The following VAV2 variants were observed in gnomAD, a reference collection of about 807,000 sequenced individuals.
VAV2 encodes the protein guanine nucleotide exchange factor VAV2.
In VAV2, 67 loss-of-function variants were observed where a neutral mutation model predicts 132.5. That is an observed-to-expected ratio of 0.51 (90% confidence interval 0.42 to 0.62). The LOEUF (loss-of-function observed/expected upper bound fraction) is 0.62. VAV2 is among the 20% of genes least tolerant of loss of function. The pLI, the probability that VAV2 is intolerant of heterozygous loss-of-function variation, is 0.00. For synonymous variants in VAV2, 492 were observed against 443.5 expected (o/e 1.11, Z -1.37); for missense variants, 938 against 1,153.6 (o/e 0.81, Z 2.71).
chr9:133,873,206 G>T (rs912211712), intron 2 of VAV2, among the ~76,000 whole-genome samples: 14 of 152,132 alleles, frequency 9.2e-5, no homozygotes, highest in South Asian at 4.2e-4. Flanking sequence ...GCATGTGAGG[G>T]AAGCTGCAAT....
At chr9:133,770,611 C>T in intron 26 of VAV2, 110 bp from the exon 27 acceptor site, 1 of 1,501,114 alleles carries the variant, frequency 6.7e-7, no homozygotes, top group Non-Finnish European at 9.0e-7. Flanking sequence ...AGACTAGCTT[C>T]CTGGACTCCT....
At chr9:133,847,634 C>T (rs953962186) in intron 3 of VAV2, among the ~76,000 whole-genome samples, 1 of 152,212 alleles carries the variant, frequency 6.6e-6, no homozygotes, top group Non-Finnish European at 1.5e-5. Context: ...GCAGACCCCA[C>T]TTGAGGACGT....
Position 133,769,845 on chromosome 9 carries a change from T to C in VAV2, c.2348-342A>G, listed in dbSNP as rs1029111419. On this transcript the variant is annotated intron_variant, in intron 27 of 29. Transcript: ENST00000371850. This position sits in a 1 kb window ranked among gnomAD's most constrained non-coding sequence, Gnocchi z 8.1. ...TCCAGCTCGGCCTGTGTGAGACCCATGGCCCTGCAGGACCCTGCAGGCTGG... is the reference window on the plus strand; with the variant it reads ...TCCAGCTCGGCCTGTGTGAGACCCACGGCCCTGCAGGACCCTGCAGGCTGG... Among the ~76,000 whole-genome samples, 21 of 152,174 alleles carry C rather than the reference T, an allele frequency of 1.4e-4. No homozygotes were observed. Among genetic ancestry groups the C allele is most frequent in the African/African-American group, 5.1e-4 (21 of 41,460 alleles).
At chr9:133,965,945 G>C (rs548204646) in intron 1 of VAV2, among the ~76,000 whole-genome samples, 4 of 152,020 alleles carry the variant, frequency 2.6e-5, no homozygotes, top group Non-Finnish European at 5.9e-5. Flanking sequence ...CACATACCTA[G>C]ACCAATGGAA....
In VAV2 at chr9:133,991,352, C is replaced by G. The variant is rs1039826492; in HGVS notation, c.204+723G>C. ...GGCATTTTCCTGCCTGGCCCTGCGG[C>G]CGCACGCGTGCCTCCGCCGCGACAA... On this transcript the variant is annotated intron_variant, in intron 1 of 29. Coordinates refer to ENST00000371850, the MANE Select transcript of VAV2 (RefSeq NM_001134398.2). This position sits in a 1 kb window ranked among gnomAD's most constrained non-coding sequence, Gnocchi z 4.8. Among the ~76,000 whole-genome samples, 4 of 152,236 alleles carry G rather than the reference C, an allele frequency of 2.6e-5. No individual in the cohort carries two copies. The highest frequency in any genetic ancestry group is 7.2e-5 in the African/African-American group (3 of 41,460).
intron 4 of VAV2, among the ~76,000 whole-genome samples, chr9:133,815,187 C>T (rs1288715208): frequency 6.6e-6 from 1 of 151,998 alleles, no homozygotes; most frequent in African/African-American, 2.4e-5. Context: ...CAGAGTCCCC[C>T]GCCCGCCTCC....
intron 2 of VAV2, among the ~76,000 whole-genome samples, chr9:133,864,158 C>T (rs910700184): frequency 6.6e-5 from 10 of 152,216 alleles, no homozygotes; most frequent in East Asian, 1.9e-4. Context: ...AGTTAACAAA[C>T]GAATGAAGAC....
At chr9:133,960,859 G>A (rs1311243037) in intron 1 of VAV2, among the ~76,000 whole-genome samples, 1 of 152,250 alleles carries the variant, frequency 6.6e-6, no homozygotes, top group Non-Finnish European at 1.5e-5. Flanking sequence ...ACACTGGCTG[G>A]TGCCAGGCTC....
intron 21 of VAV2, among the ~76,000 whole-genome samples, 186 bp from the exon 22 acceptor site, chr9:133,779,075 T>C (rs1833915035): frequency 6.6e-6 from 1 of 152,276 alleles, no homozygotes; most frequent in African/African-American, 2.4e-5. Flanking sequence ...ATCATAATTA[T>C]TTATGCAATA....
chr9:133,934,035 G>A (rs1459142910), intron 2 of VAV2, among the ~76,000 whole-genome samples: 3 of 151,352 alleles, frequency 2.0e-5, no homozygotes, highest in African/African-American at 4.9e-5. Context: ...TGGGTGGATG[G>A]GTAGATGGAT....
intron 1 of VAV2, among the ~76,000 whole-genome samples, chr9:133,968,549 G>T (rs1037226435): frequency 5.9e-5 from 9 of 152,092 alleles, no homozygotes; most frequent in African/African-American, 2.2e-4. Context: ...TGGTCCCCAG[G>T]GTCCCTACCC....
At chr9:133,845,105 C>A in intron 3 of VAV2, among the ~76,000 whole-genome samples, 1 of 152,246 alleles carries the variant, frequency 6.6e-6, no homozygotes, top group East Asian at 1.9e-4. Context: ...CCCCCGCTCT[C>A]GCGTCTGGCA....
intron 2 of VAV2, among the ~76,000 whole-genome samples, chr9:133,933,289 C>G (rs1840749538): frequency 6.6e-6 from 1 of 152,284 alleles, no homozygotes; most frequent in South Asian, 2.1e-4. Context: ...TGCTCAGCAG[C>G]TAATCTGAGG....
intron 1 of VAV2, among the ~76,000 whole-genome samples, chr9:133,940,087 C>T (rs2132138877): frequency 6.6e-6 from 1 of 152,332 alleles, no homozygotes; most frequent in East Asian, 1.9e-4. Flanking sequence ...GCTCTGGAAT[C>T]ACTCGGGCCC....
At position 133,857,452 on chromosome 9, in the gene VAV2, G is replaced by C. The variant is rs1248204618; in HGVS notation, c.380+3922C>G. ...ATCAGCTCATTATGCAAAGTGCAAG[G>C]GTTGTGAAAATGATTTTTTGAAGGA... On this transcript the variant is annotated intron_variant, in intron 3 of 29. Coordinates refer to ENST00000371850, the MANE Select transcript of VAV2 (RefSeq NM_001134398.2). The surrounding 1 kb of genome is among the most constrained non-coding windows in gnomAD (Gnocchi z 4.0). 2.6e-5 allele frequency among the ~76,000 whole-genome samples: 4 copies of C among 152,198 alleles called. No individual in the cohort carries two copies. The highest frequency in any genetic ancestry group is 9.7e-5 in the African/African-American group (4 of 41,446).
At chr9:133,767,635 G>T (rs557466923) in intron 29 of VAV2, among the ~76,000 whole-genome samples, 278 of 152,314 alleles carry the variant, frequency 1.8e-3, no homozygotes, top group African/African-American at 6.3e-3. Context: ...GGTAAAAAAT[G>T]GGTCAGACTT....
chr9:133,907,256 C>A (rs1839692195), intron 2 of VAV2, among the ~76,000 whole-genome samples: 2 of 152,232 alleles, frequency 1.3e-5, no homozygotes, highest in South Asian at 4.1e-4. Flanking sequence ...ACCCAGCAAG[C>A]CCTGCCCTGC....
chr9:133,854,868 C>A (rs920174422), intron 3 of VAV2, among the ~76,000 whole-genome samples: 1 of 152,222 alleles, frequency 6.6e-6, no homozygotes, highest in Non-Finnish European at 1.5e-5. Flanking sequence ...TCACAGCAGA[C>A]CCACTGAGGA....
At chr9:133,968,188 GAA>G (rs1264441313) in intron 1 of VAV2, among the ~76,000 whole-genome samples, 2 of 152,082 alleles carry the variant, frequency 1.3e-5, no homozygotes, top group Non-Finnish European at 2.9e-5. Flanking sequence ...AAAATAACTA[GAA>G]GAGAGGACGT....
Sources: allele counts gnomAD v4.1 joint callset (sites outside exome capture counted in the v4.1 genomes callset), GRCh38; gene constraint gnomAD v4.1.1; non-coding constraint Gnocchi (gnomAD v3.1); transcripts MANE v1.5; gene names NCBI Gene and HGNC (gene_info 2026-07-23, HGNC 2026-07-21).